ZNF385B: variants seen among roughly 807,000 people sequenced by gnomAD.
The protein encoded by ZNF385B is zinc finger protein 533.
A neutral mutation model predicts 39.2 loss-of-function variants in ZNF385B; 23 were observed. The ratio of observed to expected loss-of-function variants is 0.59; its 90% confidence interval spans 0.42 to 0.83. ZNF385B has a LOEUF of 0.83. Ranked by LOEUF, ZNF385B falls within the 40% of genes least tolerant of loss-of-function variation. The pLI is 0.00. For missense variants in ZNF385B, 552 were observed against 598.9 expected (o/e 0.92, Z 0.82); for synonymous variants, 205 against 222.6 (o/e 0.92, Z 0.70).
chr2:179,594,134 T>G (rs78378249), intron 3 of ZNF385B, among the ~76,000 whole-genome samples: 1 of 152,048 alleles, frequency 6.6e-6, no homozygotes, highest in Non-Finnish European at 1.5e-5. Context: ...CCCCCAATTA[T>G]TTGTTTTCAG....
At chr2:179,489,808 ACTATTGG>A (rs1407632657) in intron 5 of ZNF385B, among the ~76,000 whole-genome samples, 1 of 152,202 alleles carries the variant, frequency 6.6e-6, no homozygotes, top group Non-Finnish European at 1.5e-5. Flanking sequence ...GTAATGACAT[ACTATTGG>A]CTTTGATATT....
At position 179,564,040 on chromosome 2, in the gene ZNF385B, G is replaced by A. The variant is rs190457436; in HGVS notation, c.299-19071C>T. 1.1e-4 allele frequency among the ~76,000 whole-genome samples: 16 copies of A among 152,238 alleles called. No homozygotes were observed. In the East Asian group the frequency reaches 3.1e-3, roughly 29 times the overall value. ...GTACGTCTCACATATTTTTAGTTTA[G>A]TTCAGTAGTACACAAAGTGTGGTCC... On this transcript the variant is annotated intron_variant, in intron 3 of 9. Coordinates refer to ENST00000410066, the MANE Select transcript of ZNF385B (RefSeq NM_152520.6).
intron 3 of ZNF385B, among the ~76,000 whole-genome samples, chr2:179,583,037 C>CG (rs112380024): frequency 2.0e-5 from 3 of 152,036 alleles, no homozygotes; most frequent in African/African-American, 7.2e-5. Context: ...TTAGTAGAGA[C>CG]GGGGGTTTCA....
chr2:179,443,341 A>G lies in ZNF385B; in HGVS notation c.1370T>C (p.Phe457Ser), dbSNP rs1428324522. ...SLPPRPSASL[F>S]QAPAIPPALL... is the part of the protein sequence containing the mutation. ...AGCTGGAGGAATGGCTGGAGCCTGGAAGAGCGAGGCAGAGGGCCGGGGTGG... is the reference window on the plus strand; with the variant it reads ...AGCTGGAGGAATGGCTGGAGCCTGGGAGAGCGAGGCAGAGGGCCGGGGTGG... Residue 457 changes from phenylalanine (F) to serine (S), a missense_variant, in exon 10 of 10, where the codon TTC becomes TCC. Coordinates refer to ENST00000410066, the MANE Select transcript of ZNF385B (RefSeq NM_152520.6). 6.2e-7 allele frequency: 1 copy of G among 1,612,468 alleles called. No individual in the cohort carries two copies. The highest frequency in any genetic ancestry group is 1.3e-5 in the African/African-American group (1 of 74,900).
intron 1 of ZNF385B, among the ~76,000 whole-genome samples, chr2:179,786,495 A>G (rs1428200354): frequency 6.6e-6 from 1 of 152,132 alleles, no homozygotes; most frequent in Non-Finnish European, 1.5e-5. Context: ...TAATTTAGCC[A>G]AACTGAGGTC....
At chr2:179,773,541 G>C (rs1324165842) in intron 1 of ZNF385B, among the ~76,000 whole-genome samples, 1 of 152,088 alleles carries the variant, frequency 6.6e-6, no homozygotes, top group East Asian at 1.9e-4. Flanking sequence ...CACTCCTGAG[G>C]CATTGTGTTC....
chr2:179,756,407 T>C (rs1703021939), intron 3 of ZNF385B, among the ~76,000 whole-genome samples: 1 of 152,208 alleles, frequency 6.6e-6, no homozygotes, highest in Admixed American at 6.5e-5. Flanking sequence ...TGGCTGCCCT[T>C]AACATTTTTT....
At chr2:179,760,294 T>A (rs1174762469) in intron 3 of ZNF385B, among the ~76,000 whole-genome samples, 1 of 150,950 alleles carries the variant, frequency 6.6e-6, no homozygotes, top group East Asian at 2.0e-4. Context: ...CCACCAGGGA[T>A]CTCTCATGTT....
chr2:179,844,825 TAAGA>T (rs2106620405), intron 1 of ZNF385B, among the ~76,000 whole-genome samples: 1 of 152,272 alleles, frequency 6.6e-6, no homozygotes, highest in Non-Finnish European at 1.5e-5. Context: ...GAAAATCCAA[TAAGA>T]AAGGGTCCTC....
chr2:179,771,364 T>G (rs1704000298), intron 1 of ZNF385B, among the ~76,000 whole-genome samples: 1 of 152,212 alleles, frequency 6.6e-6, no homozygotes, highest in South Asian at 2.1e-4. Flanking sequence ...ATCTCCTTGT[T>G]TATACCCATA....
At chr2:179,670,465 T>C (rs1025361471) in intron 3 of ZNF385B, among the ~76,000 whole-genome samples, 1 of 131,724 alleles carries the variant, frequency 7.6e-6, no homozygotes, top group African/African-American at 3.0e-5. Flanking sequence ...AGAGCATGGA[T>C]AGCAGTAGAA....
At chr2:179,448,834 C>A (rs1437033011) in intron 6 of ZNF385B, among the ~76,000 whole-genome samples, 1 of 151,990 alleles carries the variant, frequency 6.6e-6, no homozygotes, top group Non-Finnish European at 1.5e-5. Flanking sequence ...AACAGTCACC[C>A]TAGATGTGAA....
At chr2:179,454,408 A>G (rs2050468123) in intron 6 of ZNF385B, among the ~76,000 whole-genome samples, 1 of 152,228 alleles carries the variant, frequency 6.6e-6, no homozygotes, top group Admixed American at 6.5e-5. Context: ...TATGTAAGGT[A>G]TATAATACTT....
chr2:179,663,063 T>C (rs954889687), intron 3 of ZNF385B, among the ~76,000 whole-genome samples: 1 of 152,338 alleles, frequency 6.6e-6, no homozygotes, highest in East Asian at 1.9e-4. Flanking sequence ...ATTAATTAGT[T>C]GTTTTTGCCT....
chr2:179,500,523 T>C (rs2056658970), intron 5 of ZNF385B, among the ~76,000 whole-genome samples: 1 of 152,108 alleles, frequency 6.6e-6, no homozygotes, highest in Non-Finnish European at 1.5e-5. Context: ...GTAAATGGTG[T>C]TGGGAAAACT....
chr2:179,802,564 T>C (rs1469091653), intron 1 of ZNF385B: 2 of 152,100 alleles, frequency 1.3e-5, no homozygotes, highest in African/African-American at 4.8e-5. Context: ...TTGGGAAGAT[T>C]TGCGTTGCTC....
chr2:179,605,458 G>A (rs1265022057), intron 3 of ZNF385B, among the ~76,000 whole-genome samples: 1 of 152,096 alleles, frequency 6.6e-6, no homozygotes, highest in East Asian at 1.9e-4. Context: ...GCCAAGACAT[G>A]AGTTTGGAGT....
chr2:179,696,550 A>G (rs1698776851), intron 3 of ZNF385B, among the ~76,000 whole-genome samples: 1 of 152,018 alleles, frequency 6.6e-6, no homozygotes, highest in Non-Finnish European at 1.5e-5. Context: ...TTCAAATAAG[A>G]AGAAATAATT....
intron 5 of ZNF385B, among the ~76,000 whole-genome samples, chr2:179,515,202 G>A (rs2058004721): frequency 6.6e-6 from 1 of 152,116 alleles, no homozygotes; most frequent in South Asian, 2.1e-4. Flanking sequence ...TTGTTTTGAA[G>A]AATCTATCTA....
Sources: gnomAD v4.1 joint callset for allele counts (sites outside exome capture counted in the v4.1 genomes callset) on GRCh38, gnomAD v4.1.1 for gene constraint, MANE v1.5 for transcripts, NCBI Gene and HGNC (gene_info 2026-07-23, HGNC 2026-07-21) for gene names.